The following RIT2 variants were observed in gnomAD, a reference collection of about 807,000 sequenced individuals.
RIT2 encodes the protein Ras like without CAAX 2.
Under a neutral mutation model 23.7 loss-of-function variants are expected in RIT2, and 24 were observed. The ratio of observed to expected loss-of-function variants is 1.01; its 90% CI spans 0.73 to 1.43. The LOEUF (loss-of-function observed/expected upper bound fraction) is 1.43. Ranked by LOEUF, RIT2 falls within the 40% of genes most tolerant of loss-of-function variation. The pLI, the probability that RIT2 is intolerant of heterozygous loss-of-function variation, is 0.00. For missense variants in RIT2, 236 were observed against 266.9 expected, an observed-to-expected ratio of 0.88 and a Z score of 0.81; for synonymous variants, 107 against 91.1, an observed-to-expected ratio of 1.17 and a Z score of -0.99.
rs1468172725 is a variant in RIT2 at position 43,109,832 on chromosome 18, T to C, written c.103+5585A>G. On this transcript the variant is annotated intron_variant, in intron 1 of 4. Coordinates refer to ENST00000326695, the MANE Select transcript of RIT2 (RefSeq NM_002930.4). ...TACATATTTCACATTTGAAGATGTA[T>C]GTTGACAACATTTCACCAAATAATT... 2.9e-4 allele frequency among the ~76,000 whole-genome samples: 4 copies of C among 13,688 alleles called. No homozygotes were observed. In the Admixed American group the frequency reaches 6.4e-3, roughly 22 times the overall value. 9.0% of individuals were successfully genotyped at this position (13,688 alleles called of 152,430 possible). A position where few individuals can be genotyped will look rare whatever the true frequency, so the allele number is the denominator to read the frequency against.
intron 1 of RIT2, among the ~76,000 whole-genome samples, chr18:43,113,257 T>G (rs1471489637): frequency 6.6e-6 from 1 of 152,204 alleles, no homozygotes; most frequent in Non-Finnish European, 1.5e-5. Context: ...TTTCAAACAT[T>G]TAGTCATAAG....
chr18:42,875,631 A>C (rs1057059925), intron 4 of RIT2, among the ~76,000 whole-genome samples: 1 of 152,052 alleles, frequency 6.6e-6, no homozygotes, highest in Non-Finnish European at 1.5e-5. Flanking sequence ...GAGTTTTGCA[A>C]ATAGAATATA....
At chr18:42,785,622 G>A (rs1913905142) in intron 4 of RIT2, among the ~76,000 whole-genome samples, 2 of 152,072 alleles carry the variant, frequency 1.3e-5, no homozygotes, top group African/African-American at 2.4e-5. Context: ...AGGTTATTCT[G>A]TTTATGAGGG....
At chr18:42,881,459 T>C (rs1907892786) in intron 4 of RIT2, among the ~76,000 whole-genome samples, 1 of 152,230 alleles carries the variant, frequency 6.6e-6, no homozygotes, top group Middle Eastern at 3.2e-3. Flanking sequence ...TGTCCAGTAA[T>C]ACCTCTCTGT....
chr18:42,832,004 G>A (rs901126381), intron 4 of RIT2, among the ~76,000 whole-genome samples: 21 of 152,156 alleles, frequency 1.4e-4, no homozygotes, highest in African/African-American at 5.1e-4. Context: ...CATCCACACA[G>A]ACCCAAGCCA....
At chr18:42,923,274 G>T in intron 4 of RIT2, 1 of 246,796 alleles carries the variant, frequency 4.1e-6, no homozygotes, top group Non-Finnish European at 7.7e-6. Flanking sequence ...AGAAACTGCA[G>T]AAATCTTAAG....
intron 4 of RIT2, among the ~76,000 whole-genome samples, chr18:42,780,725 G>C (rs1464685309): frequency 1.3e-5 from 2 of 151,818 alleles, no homozygotes; most frequent in Non-Finnish European, 2.9e-5. Flanking sequence ...CGTTAATGTT[G>C]ATGTTGGTCA....
chr18:43,082,150 C>A (rs1170157755), intron 1 of RIT2, among the ~76,000 whole-genome samples: 2 of 152,034 alleles, frequency 1.3e-5, no homozygotes, highest in African/African-American at 2.4e-5. Flanking sequence ...GGAATTTATC[C>A]ATTTCTTTGA....
At chr18:42,749,924 A>G (rs1913007476) in intron 4 of RIT2, among the ~76,000 whole-genome samples, 1 of 151,896 alleles carries the variant, frequency 6.6e-6, no homozygotes, top group South Asian at 2.1e-4. Flanking sequence ...ATTATTCACA[A>G]TAGCAAAAAC....
intron 2 of RIT2, among the ~76,000 whole-genome samples, chr18:43,019,506 C>T (rs80340324): frequency 6.6e-6 from 1 of 151,136 alleles, no homozygotes; most frequent in East Asian, 2.0e-4. Flanking sequence ...CAAAAAAAAA[C>T]CCCAAAAACT....
At chr18:43,044,001 A>T (rs185414519) in intron 1 of RIT2, among the ~76,000 whole-genome samples, 14 of 152,270 alleles carry the variant, frequency 9.2e-5, no homozygotes, top group Admixed American at 2.6e-4. Context: ...GAAGCATGGC[A>T]GAACAGCACC....
At chr18:42,833,481 C>G (rs970023862) in intron 4 of RIT2, among the ~76,000 whole-genome samples, 1 of 152,066 alleles carries the variant, frequency 6.6e-6, no homozygotes, top group African/African-American at 2.4e-5. Context: ...TATTGAAGAT[C>G]TTGTCTTTTT....
chr18:42,890,189 G>C (rs1029393737), intron 4 of RIT2, among the ~76,000 whole-genome samples: 1 of 151,684 alleles, frequency 6.6e-6, no homozygotes, highest in Non-Finnish European at 1.5e-5. Context: ...TAACTATATT[G>C]CCTTCCAATT....
At chr18:42,990,769 T>C (rs1467584423) in intron 2 of RIT2, among the ~76,000 whole-genome samples, 3 of 148,990 alleles carry the variant, frequency 2.0e-5, no homozygotes, top group Non-Finnish European at 4.4e-5. Context: ...CAACACACTG[T>C]GAAGTATATA....
intron 1 of RIT2, among the ~76,000 whole-genome samples, chr18:43,048,742 T>C (rs1598761299): frequency 6.6e-6 from 1 of 152,316 alleles, no homozygotes; most frequent in South Asian, 2.1e-4. Flanking sequence ...TAAAATATGA[T>C]GTTTTTTATA....
chr18:43,100,244 C>T (rs1452774889), intron 1 of RIT2, among the ~76,000 whole-genome samples: 1 of 151,924 alleles, frequency 6.6e-6, no homozygotes, highest in Non-Finnish European at 1.5e-5. Context: ...ATAGAGTAAG[C>T]CAAGCAGATA....
intron 1 of RIT2, among the ~76,000 whole-genome samples, chr18:43,097,742 C>A (rs906115735): frequency 6.6e-6 from 1 of 151,896 alleles, no homozygotes; most frequent in Admixed American, 6.6e-5. Flanking sequence ...TTTTAAAGAC[C>A]TGAAAAGTGT....
chr18:42,832,213 G>C (rs1453488906), intron 4 of RIT2, among the ~76,000 whole-genome samples: 1 of 152,150 alleles, frequency 6.6e-6, no homozygotes, highest in Non-Finnish European at 1.5e-5. Context: ...ACTAGATTTG[G>C]CATTTAATCA....
chr18:42,763,423 T>A (rs1323673861), intron 4 of RIT2, among the ~76,000 whole-genome samples: 2 of 151,122 alleles, frequency 1.3e-5, no homozygotes, highest in Admixed American at 1.3e-4. Flanking sequence ...GATTGCACCT[T>A]TGCACTCCAG....
Sources: gnomAD v4.1 joint callset for allele counts (sites outside exome capture counted in the v4.1 genomes callset) on GRCh38, gnomAD v4.1.1 for gene constraint, MANE v1.5 for transcripts, NCBI Gene and HGNC (gene_info 2026-07-23, HGNC 2026-07-21) for gene names.